The following ZNF787 variants were observed in gnomAD, a reference collection of about 807,000 sequenced individuals.
ZNF787 encodes TTF-I-interacting peptide 20.
In ZNF787, 7 loss-of-function variants were observed where a neutral mutation model predicts 16.9. That is an observed-to-expected ratio of 0.42 (90% CI 0.24 to 0.78). The LOEUF (loss-of-function observed/expected upper bound fraction) is 0.78, where lower values mean the gene tolerates loss of function less well. Among genes scored for constraint, ZNF787 ranks in the 30% least tolerant of loss-of-function variants. The pLI is 0.30. For missense variants in ZNF787, 551 were observed against 589.3 expected (o/e 0.94, Z 0.67); for synonymous variants, 345 against 270.9 (o/e 1.27, Z -2.69).
intron 1 of ZNF787, among the ~76,000 whole-genome samples, chr19:56,110,361 CAA>C (rs761035056): frequency 6.2e-5 from 7 of 112,908 alleles, no homozygotes; most frequent in Admixed American, 9.4e-5. Context: ...GACTCCGTCT[CAA>C]AAAAAAAAAA....
intron 1 of ZNF787, among the ~76,000 whole-genome samples, chr19:56,113,941 T>C (rs748926002): frequency 3.9e-5 from 6 of 152,210 alleles, no homozygotes; most frequent in Non-Finnish European, 8.8e-5. Flanking sequence ...GGGATTCTCC[T>C]GCCTCTGCCT....
intron 1 of ZNF787, among the ~76,000 whole-genome samples, chr19:56,115,678 G>A (rs574332902): frequency 6.9e-5 from 10 of 145,762 alleles, no homozygotes; most frequent in South Asian, 2.4e-4. Flanking sequence ...CACCCTCCCC[G>A]TCAGAGCCGT....
At chr19:56,105,917 G>T (rs866733884) in intron 1 of ZNF787, among the ~76,000 whole-genome samples, 5 of 85,102 alleles carry the variant, frequency 5.9e-5, no homozygotes, top group South Asian at 3.8e-4. Flanking sequence ...CGCGCATTCC[G>T]CCCTCCGCGC....
chr19:56,113,649 C>T (rs941277177), intron 1 of ZNF787, among the ~76,000 whole-genome samples: 2 of 151,036 alleles, frequency 1.3e-5, no homozygotes, highest in East Asian at 2.0e-4. Context: ...AGGCACACCC[C>T]GGGAAAGAAA....
intron 1 of ZNF787, among the ~76,000 whole-genome samples, chr19:56,108,741 G>A (rs1475978735): frequency 2.6e-5 from 4 of 152,198 alleles, no homozygotes; most frequent in East Asian, 1.9e-4. Context: ...TCAGCCCCTC[G>A]CCGGACCTGT....
chr19:56,105,198 A>C (rs991106695), intron 1 of ZNF787, among the ~76,000 whole-genome samples: 2 of 152,174 alleles, frequency 1.3e-5, no homozygotes, highest in Non-Finnish European at 2.9e-5. Flanking sequence ...CAGCCCTCCC[A>C]GCCCTTCTCC....
At chr19:56,105,612 G>C (rs1986272740) in intron 1 of ZNF787, 1 of 152,128 alleles carries the variant, frequency 6.6e-6, no homozygotes. Context: ...CCAGCTTCTC[G>C]GGGGAAGCCT....
intron 2 of ZNF787, among the ~76,000 whole-genome samples, chr19:56,096,595 C>G (rs947445245): frequency 6.6e-6 from 1 of 152,086 alleles, no homozygotes; most frequent in East Asian, 1.9e-4. Context: ...TGCCTGTAAT[C>G]CCAGCTACTC....
intron 2 of ZNF787, among the ~76,000 whole-genome samples, chr19:56,091,005 C>A (rs540900): frequency 0.95 from 144,805 of 152,284 alleles, 69,484 homozygotes; most frequent in African/African-American, 0.99. Flanking sequence ...CAGAAGAAAA[C>A]ACTCCAGGTG....
chr19:56,095,389 C>T (rs931124509), intron 2 of ZNF787, among the ~76,000 whole-genome samples: 15 of 152,142 alleles, frequency 9.9e-5, no homozygotes, highest in African/African-American at 3.6e-4. Context: ...CCATCCTGTC[C>T]CTTATCTTTT....
chr19:56,115,990 A>C (rs576813009), intron 1 of ZNF787, among the ~76,000 whole-genome samples: 1 of 152,146 alleles, frequency 6.6e-6, no homozygotes, highest in Non-Finnish European at 1.5e-5. Flanking sequence ...GGTGATCATC[A>C]GGTGTCCGTG....
intron 1 of ZNF787, among the ~76,000 whole-genome samples, chr19:56,113,974 C>A (rs796938148): frequency 6.6e-6 from 1 of 152,132 alleles, no homozygotes; most frequent in African/African-American, 2.4e-5. Flanking sequence ...GGACTACAAG[C>A]GCTGAACTGT....
At chr19:56,119,223 T>C (rs567736551) in intron 1 of ZNF787, among the ~76,000 whole-genome samples, 1 of 152,348 alleles carries the variant, frequency 6.6e-6, no homozygotes, top group South Asian at 2.1e-4. Flanking sequence ...AGGACAGTGC[T>C]GTGCCAAGAC....
chr19:56,116,601 C>G (rs796512892), intron 1 of ZNF787, among the ~76,000 whole-genome samples: 1 of 152,004 alleles, frequency 6.6e-6, no homozygotes, highest in Admixed American at 6.6e-5. Context: ...AAAAATAAAG[C>G]CTTTATATTA....
Position 56,118,084 on chromosome 19 carries a change from A to T in ZNF787, c.-11+3088T>A, listed in dbSNP as rs113923970. Among the ~76,000 whole-genome samples the T allele has an allele frequency of 7.9e-4, 120 of 152,316 alleles. 1 individual carries two copies. The highest frequency in any genetic ancestry group is 2.5e-3 in the African/African-American group (105 of 41,572). On this transcript the variant is annotated intron_variant, in intron 1 of 2. Coordinates refer to ENST00000610935, the MANE Select transcript of ZNF787 (RefSeq NM_001002836.4). ...GAACAGACAGGCCTGGGGCCGCCCC[A>T]CCTGGGCTCAGAGCTTGGGCTGGTT...
In ZNF787 at chr19:56,087,950, C is replaced by A. The variant is rs1043277076; in HGVS notation, c.*73G>T. ...GCACCCCGTCCGCTTCTCCCTGGGT[C>A]TCTTGGTCTTGCACGTCGTCGCTCC... On this transcript the variant is annotated 3_prime_UTR_variant, in exon 3 of 3. Transcript: ENST00000610935. The A allele has an allele frequency of 8.8e-4, 1,144 of 1,295,222 alleles. 8 individuals are homozygous for A. Among genetic ancestry groups the A allele is most frequent in the Non-Finnish European group, 9.0e-4 (916 of 1,022,880 alleles). 80.2% of individuals were successfully genotyped at this position (1,295,222 alleles called of 1,614,324 possible). A position where few individuals can be genotyped will look rare whatever the true frequency, so the allele number is the denominator to read the frequency against.
chr19:56,116,755 C>T (rs1013484275), intron 1 of ZNF787, among the ~76,000 whole-genome samples: 1 of 152,128 alleles, frequency 6.6e-6, no homozygotes, highest in African/African-American at 2.4e-5. Context: ...TCCCTTCCTC[C>T]CACCTCACCT....
At chr19:56,110,688 G>A (rs777874922) in intron 1 of ZNF787, among the ~76,000 whole-genome samples, 4 of 152,200 alleles carry the variant, frequency 2.6e-5, no homozygotes, top group African/African-American at 9.6e-5. Flanking sequence ...TAAAAGCAGG[G>A]ACTTCCCAGC....
chr19:56,119,831 T>A (rs1457382173), intron 1 of ZNF787, among the ~76,000 whole-genome samples: 1 of 152,228 alleles, frequency 6.6e-6, no homozygotes, highest in East Asian at 1.9e-4. Context: ...CAGGTGAATG[T>A]CAGCAGCGTT....
Sources: allele counts gnomAD v4.1 joint callset (sites outside exome capture counted in the v4.1 genomes callset), GRCh38; gene constraint gnomAD v4.1.1; transcripts MANE v1.5; gene names NCBI Gene and HGNC (gene_info 2026-07-23, HGNC 2026-07-21).